The following TECTA variants were observed in gnomAD, a reference collection of about 807,000 sequenced individuals.
The protein encoded by TECTA is alpha-tectorin.
In TECTA, 128 loss-of-function variants were observed where a neutral mutation model predicts 216.8. The observed-to-expected ratio is 0.59, with a 90% confidence interval of 0.51 to 0.68. The LOEUF is 0.68. TECTA is among the 30% of genes least tolerant of loss of function. The pLI, the probability that TECTA is intolerant of heterozygous loss-of-function variation, is 0.00. For synonymous variants in TECTA, 1,089 were observed against 1,117.1 expected, an observed-to-expected ratio of 0.97 and a Z score of 0.50; for missense variants, 2,551 against 2,786.2, an observed-to-expected ratio of 0.92 and a Z score of 1.90.
chr11:121,162,154 C>T lies in TECTA; in HGVS notation c.5056C>T (p.Gln1686Ter). Residue 1686 changes from glutamine to a stop codon, truncating the protein, a stop_gained, in exon 16 of 24, where the codon CAG (glutamine) becomes TAG (stop). Transcript: ENST00000392793. LOFTEE classifies it high-confidence loss of function. ...MCDNVHIQKMQGDGYCLKLTD... is the reference protein window; with the variant it reads ...MCDNVHIQKM The stretch of plus-strand genomic sequence containing the variant: ...TGACAATGTGCACATCCAGAAGATG[C>T]AGGGTGATGGCTACTGCCTGAAGCT... 1 of 1,614,214 alleles carries T rather than the reference C, an allele frequency of 6.2e-7. No individual in the cohort carries two copies. Among genetic ancestry groups the T allele is most frequent in the African/African-American group, 1.3e-5 (1 of 75,058 alleles).
At chr11:121,161,526 C>T (rs1946997822) in intron 15 of TECTA, among the ~76,000 whole-genome samples, 2 of 143,102 alleles carry the variant, frequency 1.4e-5, no homozygotes, top group South Asian at 4.8e-4. Context: ...TGCCTCCCTC[C>T]CTCCTTCCCT....
rs1947337623 is a variant in TECTA, at chr11:121,191,254, G to A, written c.*448G>A. 1 of 268,714 alleles carries A rather than the reference G, an allele frequency of 3.7e-6. No homozygotes were observed. The highest frequency in any genetic ancestry group is 9.4e-5 in the East Asian group (1 of 10,692). The allele number at this position is 268,714 out of a possible 1,614,324, so 16.6% of individuals were successfully genotyped here. A position where few individuals can be genotyped will look rare whatever the true frequency, so the allele number is the denominator to read the frequency against. ...TTGACTCCCTCTAAGGAATCTTGCT[G>A]GTGTTTGGAAGTGTCCGATCTACGT... On this transcript the variant is annotated 3_prime_UTR_variant, in exon 24 of 24. Transcript: ENST00000392793.
chr11:121,148,549 TA>T (rs1946861444), intron 12 of TECTA, among the ~76,000 whole-genome samples: 3 of 152,154 alleles, frequency 2.0e-5, no homozygotes, highest in Non-Finnish European at 4.4e-5. Flanking sequence ...GACCTGAGAA[TA>T]GGGTTGTTTG....
intron 16 of TECTA, among the ~76,000 whole-genome samples, chr11:121,163,724 A>C (rs1356634490): frequency 6.6e-6 from 1 of 152,216 alleles, no homozygotes. Flanking sequence ...GCTTCCCTCT[A>C]TCTAAGGGCA....
At chr11:121,130,235 A>G (rs757265850) in intron 10 of TECTA, 24 bp downstream of exon 10, 1 of 1,598,406 alleles carries the variant, frequency 6.3e-7, no homozygotes, top group Non-Finnish European at 8.5e-7. Context: ...GGATTCTGGG[A>G]GAGGCTTTCT....
intron 20 of TECTA, among the ~76,000 whole-genome samples, chr11:121,182,146 GC>G (rs1355048717): frequency 6.6e-6 from 1 of 151,988 alleles, no homozygotes; most frequent in South Asian, 2.1e-4. Flanking sequence ...CAGCTTTTGG[GC>G]CCCTGGGTGG....
Position 121,113,236 on chromosome 11 carries a change from G to A in TECTA, c.624+27G>A, listed in dbSNP as rs369842365. Reference sequence around the variant, plus strand: ...TAGGTGGCTCTCCACTTCATCCCCCGCGTGTTTCCGTCGCTGCACTCTCTG... The same window carrying A: ...TAGGTGGCTCTCCACTTCATCCCCCACGTGTTTCCGTCGCTGCACTCTCTG... On this transcript the variant is annotated intron_variant, in intron 5 of 23. Coordinates refer to ENST00000392793, the MANE Select transcript of TECTA (RefSeq NM_005422.4). This position sits in a 1 kb window ranked among gnomAD's most constrained non-coding sequence, Gnocchi z 4.2. 18 of 1,613,326 alleles carry A rather than the reference G, an allele frequency of 1.1e-5. No individual in the cohort carries two copies. The highest frequency in any genetic ancestry group is 3.3e-5 in the South Asian group (3 of 91,060).
chr11:121,130,273 C>G (rs1946661345), intron 10 of TECTA, 62 bp downstream of exon 10: 2 of 1,567,010 alleles, frequency 1.3e-6, no homozygotes. Flanking sequence ...CATGCTGGGC[C>G]TTACTCAGGA....
intron 14 of TECTA, among the ~76,000 whole-genome samples, chr11:121,159,031 G>C (rs570685891): frequency 1.5e-3 from 231 of 152,304 alleles, no homozygotes; most frequent in South Asian, 5.0e-3. Flanking sequence ...AGCACAGAGA[G>C]GCAGGGACCC....
In TECTA at chr11:121,191,441, CT is replaced by C. The variant is rs1191147645; in HGVS notation, c.*640del. 1 of 155,774 alleles carries C rather than the reference CT, an allele frequency of 6.4e-6. No individual in the cohort carries two copies. Among genetic ancestry groups the C allele is most frequent in the Non-Finnish European group, 1.4e-5 (1 of 70,250 alleles). The allele number at this position is 155,774 out of a possible 1,614,324, so 9.6% of individuals were successfully genotyped here. ...TCTCTTTTTACAAATCAACCAAATACTTTTTAATGTGTTTTATCCTTAAATA... is the reference window on the plus strand; with the variant it reads ...TCTCTTTTTACAAATCAACCAAATACTTTTAATGTGTTTTATCCTTAAATA... On this transcript the variant is annotated 3_prime_UTR_variant, in exon 24 of 24. Transcript: ENST00000392793.
At chr11:121,158,256 G>A (rs1294436828) in intron 14 of TECTA, 32 bp downstream of exon 14, 4 of 1,606,650 alleles carry the variant, frequency 2.5e-6, no homozygotes, top group Non-Finnish European at 2.5e-6. Context: ...CTTAAGAAGG[G>A]GCCCGGAAAC....
intron 4 of TECTA, among the ~76,000 whole-genome samples, chr11:121,111,828 A>G (rs1331804893): frequency 2.0e-5 from 3 of 152,214 alleles, no homozygotes; most frequent in African/African-American, 4.8e-5. Context: ...CAGAGACTGA[A>G]GGCGTTTACC....
At chr11:121,177,074 G>A (rs530440303) in intron 20 of TECTA, among the ~76,000 whole-genome samples, 25 of 152,144 alleles carry the variant, frequency 1.6e-4, no homozygotes, top group East Asian at 3.9e-4. Flanking sequence ...TTATACATTC[G>A]TCTAAATTTT....
chr11:121,106,481 C>T (rs964139045), intron 3 of TECTA, among the ~76,000 whole-genome samples: 3 of 152,176 alleles, frequency 2.0e-5, no homozygotes, highest in Non-Finnish European at 4.4e-5. Flanking sequence ...AGGGTCTCAT[C>T]GCCCAACCCA....
intron 3 of TECTA, among the ~76,000 whole-genome samples, chr11:121,106,915 T>C (rs1946395875): frequency 6.6e-6 from 1 of 152,184 alleles, no homozygotes; most frequent in Non-Finnish European, 1.5e-5. Flanking sequence ...TCAGAAACTC[T>C]GGGAGGAGGA....
At chr11:121,161,524 TC>T (rs1946997753) in intron 15 of TECTA, among the ~76,000 whole-genome samples, 1 of 42,784 alleles carries the variant, frequency 2.3e-5, no homozygotes, top group Non-Finnish European at 4.9e-5. Context: ...CCTGCCTCCC[TC>T]CCTCCTTCCC....
At chr11:121,173,228 C>G (rs1175224664) in intron 20 of TECTA, among the ~76,000 whole-genome samples, 1 of 150,736 alleles carries the variant, frequency 6.6e-6, no homozygotes, top group Non-Finnish European at 1.5e-5. Flanking sequence ...TTTTTGTTGC[C>G]ATTGCTTTTG....
intron 20 of TECTA, among the ~76,000 whole-genome samples, chr11:121,186,405 C>G (rs1342645464): frequency 6.6e-6 from 1 of 152,188 alleles, no homozygotes; most frequent in Non-Finnish European, 1.5e-5. Context: ...GGCGTCTGTG[C>G]TCACTCTAAG....
At chr11:121,107,620 C>T (rs1275678576) in intron 3 of TECTA, among the ~76,000 whole-genome samples, 2 of 152,128 alleles carry the variant, frequency 1.3e-5, no homozygotes, top group Non-Finnish European at 1.5e-5. Context: ...TTTCTATATC[C>T]AAGAATTGCA....
Sources: allele counts gnomAD v4.1 joint callset (sites outside exome capture counted in the v4.1 genomes callset), GRCh38; gene constraint gnomAD v4.1.1; non-coding constraint Gnocchi (gnomAD v3.1); transcripts MANE v1.5; gene names NCBI Gene and HGNC (gene_info 2026-07-23, HGNC 2026-07-21).